The following C20orf203 variants were observed in gnomAD, a reference collection of about 807,000 sequenced individuals.
C20orf203 encodes the protein chromosome 20 open reading frame 203, also known as uncharacterized protein C20orf203.
C20orf203 carries 16 observed loss-of-function variants against 15.9 expected under a neutral mutation model. That is an observed-to-expected ratio of 1.01 (90% CI 0.68 to 1.53). The LOEUF is 1.53. C20orf203 is among the 40% of genes most tolerant of loss of function. The pLI, the probability that C20orf203 is intolerant of heterozygous loss-of-function variation, is 0.00. For missense variants in C20orf203, 263 were observed against 247.5 expected, an observed-to-expected ratio of 1.06 and a Z score of -0.42; for synonymous variants, 98 against 97.2, an observed-to-expected ratio of 1.01 and a Z score of -0.05.
intron 1 of C20orf203, among the ~76,000 whole-genome samples, chr20:32,668,352 A>G (rs1417444756): frequency 1.3e-5 from 2 of 152,136 alleles, no homozygotes; most frequent in Non-Finnish European, 2.9e-5. Context: ...GAGGTGGGGC[A>G]CGGTGGCTCA....
intron 1 of C20orf203, among the ~76,000 whole-genome samples, chr20:32,663,431 T>C (rs1982943577): frequency 6.6e-6 from 1 of 151,996 alleles, no homozygotes; most frequent in Admixed American, 6.6e-5. Flanking sequence ...CCATGTAATG[T>C]TGGGGGAAAG....
At position 32,658,906 on chromosome 20, in the gene C20orf203, G is replaced by A. The variant is rs577210159; in HGVS notation, c.-263-6925C>T. ...TTTTTTTTTTTTTAAACAGAGTTTC[G>A]CTCTTGTTGCCCAGGCTGGAGTACA... On this transcript the variant is annotated intron_variant, in intron 1 of 5. Transcript: ENST00000608990. Among the ~76,000 whole-genome samples the A allele has an allele frequency of 5.4e-5, 8 of 148,656 alleles. No individual in the cohort carries two copies. In the South Asian group the frequency reaches 6.5e-4, roughly 12 times the overall value.
intron 5 of C20orf203, among the ~76,000 whole-genome samples, chr20:32,634,617 A>C (rs1453338579): frequency 6.6e-6 from 1 of 152,214 alleles, no homozygotes; most frequent in African/African-American, 2.4e-5. Flanking sequence ...CGAGTGAAAC[A>C]GCCTCTGTGC....
At chr20:32,648,882 G>A (rs934743740) in intron 4 of C20orf203, among the ~76,000 whole-genome samples, 2 of 152,182 alleles carry the variant, frequency 1.3e-5, no homozygotes, top group African/African-American at 4.8e-5. Flanking sequence ...ACCATGGTAA[G>A]TGGTCAAAAC....
intron 1 of C20orf203, among the ~76,000 whole-genome samples, chr20:32,667,511 T>TG (rs1437927929): frequency 9.2e-5 from 14 of 152,196 alleles, no homozygotes; most frequent in African/African-American, 3.4e-4. Context: ...ATTCCATCCA[T>TG]GTAACCCTGT....
chr20:32,649,254 C>G lies in C20orf203; in HGVS notation c.*1177+1G>C, dbSNP rs533657243. 6.6e-6 allele frequency: 1 copy of G among 152,414 alleles called. No individual in the cohort carries two copies. Among genetic ancestry groups the G allele is most frequent in the East Asian group, 1.9e-4 (1 of 5,188 alleles). 9.4% of individuals were successfully genotyped at this position (152,414 alleles called of 1,614,324 possible). On this transcript the variant is annotated splice_donor_variant, in intron 4 of 5. Transcript: ENST00000608990. LOFTEE classifies it low-confidence loss of function (3UTR_SPLICE). ...GGGCATGTGCCTATAGTCCCACCTA[C>G]CAGGGAGGCTGAGATGGGAGGATCG... is the stretch of plus-strand genomic sequence containing the variant.
chr20:32,649,519 G>A lies in C20orf203; in HGVS notation c.*913C>T, dbSNP rs1229854069. On this transcript the variant is annotated 3_prime_UTR_variant, in exon 4 of 6. Transcript: ENST00000608990. ...GGCCACAGAGATGGGCAGTACCAGA[G>A]TGGGTGGGTTCTAGCACACTCCTCC... 2 of 152,476 alleles carry A rather than the reference G, an allele frequency of 1.3e-5. No homozygotes were observed. The highest frequency in any genetic ancestry group is 2.9e-5 in the Non-Finnish European group (2 of 68,182). The allele number at this position is 152,476 out of a possible 1,614,324, so 9.4% of individuals were successfully genotyped here.
chr20:32,651,040 G>A lies in C20orf203; in HGVS notation c.113C>T (p.Thr38Ile), dbSNP rs543129394. Reference sequence around the variant, plus strand: ...TACCCGGCTCAGCATTCCAGTTTTTGTAAAGGGAAAACTGGCCAGGCGAGG... The same window carrying A: ...TACCCGGCTCAGCATTCCAGTTTTTATAAAGGGAAAACTGGCCAGGCGAGG... ...WPPRLASFPF[T>I]KTGMLSRATS... The change falls in exon 3 of 6, where the codon ACA becomes ATA. Residue 38 changes from threonine (T) to isoleucine (I), a missense_variant. By Grantham distance (89) the Thr-to-Ile change is moderately conservative. Transcript: ENST00000608990. The A allele has an allele frequency of 1.3e-5, 20 of 1,511,046 alleles. No individual in the cohort carries two copies. The East Asian group carries it at 4.5e-4, about 34-fold the overall frequency. The allele number at this position is 1,511,046 out of a possible 1,614,324, so 93.6% of individuals were successfully genotyped here. A position where few individuals can be genotyped will look rare whatever the true frequency, so the allele number is the denominator to read the frequency against.
intron 1 of C20orf203, chr20:32,656,776 A>G (rs1053287359): frequency 6.6e-6 from 1 of 151,436 alleles, no homozygotes; most frequent in Non-Finnish European, 1.5e-5. Flanking sequence ...AGGCATGAGA[A>G]TCGCTTGAGC....
At chr20:32,642,608 G>A (rs1982315750) in intron 4 of C20orf203, among the ~76,000 whole-genome samples, 1 of 152,188 alleles carries the variant, frequency 6.6e-6, no homozygotes, top group Non-Finnish European at 1.5e-5. Flanking sequence ...CTGAGGCTGG[G>A]AAGGAGAGGC....
chr20:32,670,231 T>C (rs1208619357), intron 1 of C20orf203, among the ~76,000 whole-genome samples: 1 of 141,870 alleles, frequency 7.0e-6, no homozygotes, highest in Non-Finnish European at 1.5e-5. Context: ...TAGGCCGGGC[T>C]CGGTGGCTCA....
chr20:32,652,874 A>C (rs1415238449), intron 1 of C20orf203, among the ~76,000 whole-genome samples: 1 of 152,124 alleles, frequency 6.6e-6, no homozygotes, highest in African/African-American at 2.4e-5. Context: ...CCTGAGCCTC[A>C]GGCGGCAACC....
At chr20:32,663,773 C>T (rs1442229036) in intron 1 of C20orf203, among the ~76,000 whole-genome samples, 3 of 152,228 alleles carry the variant, frequency 2.0e-5, no homozygotes, top group Admixed American at 2.0e-4. Flanking sequence ...CTGTCCTCAC[C>T]AGCTGGCCCA....
chr20:32,672,859 A>G (rs1354682145), intron 1 of C20orf203, among the ~76,000 whole-genome samples: 32 of 152,074 alleles, frequency 2.1e-4, no homozygotes, highest in Admixed American at 2.0e-3. Context: ...GGGCTCCGGC[A>G]GCAGAGACCT....
chr20:32,656,919 C>T (rs1982772090), intron 1 of C20orf203: 1 of 151,050 alleles, frequency 6.6e-6, no homozygotes, highest in African/African-American at 2.4e-5. Context: ...AAAATAGAAA[C>T]AACCACAACC....
intron 4 of C20orf203, among the ~76,000 whole-genome samples, chr20:32,646,794 C>G (rs1982444936): frequency 6.6e-6 from 1 of 152,240 alleles, no homozygotes; most frequent in South Asian, 2.1e-4. Context: ...CAGAGCTGCT[C>G]CCCTGGCCTG....
At chr20:32,645,093 G>A (rs765084657) in intron 4 of C20orf203, among the ~76,000 whole-genome samples, 4 of 152,066 alleles carry the variant, frequency 2.6e-5, no homozygotes, top group African/African-American at 4.8e-5. Flanking sequence ...AATTGGTTGG[G>A]GGGCTAATGT....
At chr20:32,654,611 G>A (rs1042675566) in intron 1 of C20orf203, among the ~76,000 whole-genome samples, 7 of 152,166 alleles carry the variant, frequency 4.6e-5, no homozygotes, top group African/African-American at 9.7e-5. Flanking sequence ...GGGAGGCCGA[G>A]GTGGGCAGAT....
In C20orf203 at chr20:32,650,426, G is replaced by T. The variant is rs1982573593; in HGVS notation, c.*6C>A. ...AGAGCTGGGGGTGGGGGCGCCCTGG[G>T]CTCGGCTAATTAAACAGCGACCGTG... On this transcript the variant is annotated 3_prime_UTR_variant, in exon 4 of 6. Transcript: ENST00000608990. 6.5e-7 allele frequency: 1 copy of T among 1,546,246 alleles called. No homozygotes were observed. The highest frequency in any genetic ancestry group is 1.2e-5 in the South Asian group (1 of 83,724).
Sources: gnomAD v4.1 joint callset for allele counts (sites outside exome capture counted in the v4.1 genomes callset) on GRCh38, gnomAD v4.1.1 for gene constraint, MANE v1.5 for transcripts, NCBI Gene and HGNC (gene_info 2026-07-23, HGNC 2026-07-21) for gene names.